Variants in ARHGEF19 observed in about 807,000 individuals in gnomAD.
ARHGEF19 encodes Rho guanine nucleotide exchange factor (GEF) 19.
ARHGEF19 carries 92 observed loss-of-function variants against 87.6 expected under a neutral mutation model. The observed-to-expected ratio is 1.05, with a 90% CI of 0.89 to 1.25. The LOEUF (loss-of-function observed/expected upper bound fraction) is 1.25, where lower values mean the gene tolerates loss of function less well. Among genes scored for constraint, ARHGEF19 ranks in the 50% most tolerant of loss-of-function variants. The pLI, the probability that ARHGEF19 is intolerant of heterozygous loss-of-function variation, is 0.00. For missense variants in ARHGEF19, 1,054 were observed against 1,051.8 expected (o/e 1.00, Z -0.03); for synonymous variants, 438 against 446.2 (o/e 0.98, Z 0.23).
At chr1:16,202,284 G>C (rs1315749883) in intron 13 of ARHGEF19, 132 bp downstream of exon 13, 1 of 1,326,854 alleles carries the variant, frequency 7.5e-7, no homozygotes, top group Non-Finnish European at 1.0e-6. Flanking sequence ...GGGAAGAGTT[G>C]AGCACTTGGG....
At position 16,208,096 on chromosome 1, in the gene ARHGEF19, G is replaced by C. The variant is rs2081162774; in HGVS notation, c.542C>G (p.Ser181Cys). The C allele has an allele frequency of 6.2e-7, 1 of 1,614,084 alleles. No individual in the cohort carries two copies. Among genetic ancestry groups the C allele is most frequent in the Non-Finnish European group, 8.5e-7 (1 of 1,180,038 alleles). The part of the protein sequence containing the change: ...LSTEEPRVEL[S>C]GSTRVSLEGP... Reference sequence around the variant, plus strand: ...TTCGAGGCTCACTCGGGTGGACCCAGACAACTCCACCCTGGGCTCCTCTGT... The same window carrying C: ...TTCGAGGCTCACTCGGGTGGACCCACACAACTCCACCCTGGGCTCCTCTGT... The change falls in exon 3 of 16, where the codon TCT becomes TGT. Residue 181 changes from serine (S) to cysteine (C), a missense_variant. By Grantham distance (112) the Ser-to-Cys change is moderately radical (BLOSUM62 -1). Coordinates refer to ENST00000270747, the MANE Select transcript of ARHGEF19 (RefSeq NM_153213.5).
chr1:16,204,932 A>T lies in ARHGEF19; in HGVS notation c.1747-13T>A. ...TCAGCGGGAAAATCTAGAGGGATGGAGAAGGATGGGTCAGGCCCAGGGGCA... is the reference window on the plus strand; with the variant it reads ...TCAGCGGGAAAATCTAGAGGGATGGTGAAGGATGGGTCAGGCCCAGGGGCA... On this transcript the variant is annotated splice_polypyrimidine_tract_variant and intron_variant, in intron 11 of 15. Transcript: ENST00000270747. The T allele has an allele frequency of 6.3e-7, 1 of 1,594,708 alleles. No homozygotes were observed. The highest frequency in any genetic ancestry group is 2.3e-5 in the East Asian group (1 of 44,192).
chr1:16,212,145 G>A (rs573292947), intron 1 of ARHGEF19, among the ~76,000 whole-genome samples: 60 of 152,350 alleles, frequency 3.9e-4, no homozygotes, highest in African/African-American at 1.4e-3. Flanking sequence ...GCTAATTACA[G>A]AAGACGATGG....
intron 14 of ARHGEF19, among the ~76,000 whole-genome samples, chr1:16,199,565 T>C (rs1324238347): frequency 1.3e-5 from 2 of 151,990 alleles, no homozygotes; most frequent in Non-Finnish European, 2.9e-5. Context: ...GCTTGTGACC[T>C]TCAGACCCCA....
In ARHGEF19 at chr1:16,207,050, G is replaced by T. The variant is rs773158873; in HGVS notation, c.1035C>A (p.Arg345=). ...LSPSSSFRAQ[R]SARGSTFSLW... ...GCGAGAAGGTGGAGCCTCGCGCCGA[G>T]CGCTGCGCCCGGAAGGAGCTGCTGG... is the stretch of plus-strand genomic sequence containing the variant. The change falls in exon 6 of 16, where the codon CGC becomes CGA. Residue 345 remains arginine (R), a synonymous_variant. Transcript: ENST00000270747. This position sits in a 1 kb window ranked among gnomAD's most constrained non-coding sequence, Gnocchi z 4.0. The T allele has an allele frequency of 1.5e-5, 22 of 1,508,666 alleles. No homozygotes were observed. Among genetic ancestry groups the T allele is most frequent in the Non-Finnish European group, 1.8e-5 (20 of 1,131,386 alleles). The allele number at this position is 1,508,666 out of a possible 1,614,324, so 93.5% of individuals were successfully genotyped here.
At chr1:16,199,302 G>T in intron 14 of ARHGEF19, 48 bp from the exon 15 acceptor site, 2 of 1,569,544 alleles carry the variant, frequency 1.3e-6, no homozygotes, top group Middle Eastern at 1.7e-4. Flanking sequence ...AGGATGGCAG[G>T]GGGAGGAGCA....
At position 16,205,212 on chromosome 1, in the gene ARHGEF19, C is replaced by T. The variant is rs1350554834; in HGVS notation, c.1657-36G>A. On this transcript the variant is annotated intron_variant, in intron 10 of 15. Transcript: ENST00000270747. The surrounding 1 kb of genome is among the most constrained non-coding windows in gnomAD (Gnocchi z 5.8). ...CGTGGGGAGGTCACCTGCAGCCCCT[C>T]AGCTCCGGCTCCCAGAGCCCAGCCT... is the stretch of plus-strand genomic sequence containing the variant. 1.9e-6 allele frequency: 3 copies of T among 1,591,362 alleles called. No homozygotes were observed. The Admixed American group carries it at 5.4e-5, about 29-fold the overall frequency.
chr1:16,208,946 G>A lies in ARHGEF19; in HGVS notation c.109C>T (p.Leu37=). The change falls in exon 2 of 16, where the codon CTG becomes TTG. Residue 37 remains leucine (L), a synonymous_variant. Transcript: ENST00000270747. ...GGGCTCGGGGGCTTCAGGGCGGGCA[G>A]CTCTGCAAAGGACAGACTCTCCTGC... ...CQQESLSFAE[L]PALKPPSPVC... The A allele has an allele frequency of 6.3e-7, 1 of 1,576,960 alleles. No homozygotes were observed. Among genetic ancestry groups the A allele is most frequent in the Non-Finnish European group, 8.6e-7 (1 of 1,163,064 alleles).
At position 16,206,061 on chromosome 1, in the gene ARHGEF19, G is replaced by A; in HGVS notation, c.1321C>T (p.Arg441Trp). 1 of 1,582,754 alleles carries A rather than the reference G, an allele frequency of 6.3e-7. No homozygotes were observed. Among genetic ancestry groups the A allele is most frequent in the South Asian group, 1.1e-5 (1 of 87,174 alleles). The change falls in exon 8 of 16, where the codon CGG becomes TGG. Residue 441 changes from arginine (R) to tryptophan (W), a missense_variant. By Grantham distance (101) the Arg-to-Trp change is moderately radical (BLOSUM62 -3). Transcript: ENST00000270747. The surrounding 1 kb of genome is among the most constrained non-coding windows in gnomAD (Gnocchi z 4.6). ...AAGCGCAGCACATCTGCCTCCAGCC[G>A]CTGCTCCAGGTCCTGCAGGAACCTG... Reference protein sequence around the residue: ...SERFLQDLEQRLEADVLRFSV... With the variant: ...SERFLQDLEQWLEADVLRFSV...
intron 1 of ARHGEF19, among the ~76,000 whole-genome samples, chr1:16,210,265 G>A (rs943974869): frequency 6.6e-5 from 10 of 152,102 alleles, no homozygotes; most frequent in African/African-American, 2.4e-4. Context: ...ACCCTGTGGT[G>A]AGGCAAGCAG....
chr1:16,210,109 C>T (rs1168727214), intron 1 of ARHGEF19, among the ~76,000 whole-genome samples: 1 of 152,278 alleles, frequency 6.6e-6, no homozygotes, highest in Non-Finnish European at 1.5e-5. Flanking sequence ...CCCTGTGGCC[C>T]TCTGCCAGCC....
Position 16,207,794 on chromosome 1 carries a change from C to T in ARHGEF19, c.695-17G>A, listed in dbSNP as rs1355931183. Reference sequence around the variant, plus strand: ...ATGCTTTCCCTGGAGAGGGCGAGAACTGAGGGTGGGGGGTCCAGAGAGTGG... The same window carrying T: ...ATGCTTTCCCTGGAGAGGGCGAGAATTGAGGGTGGGGGGTCCAGAGAGTGG... On this transcript the variant is annotated splice_polypyrimidine_tract_variant and intron_variant, in intron 3 of 15. Coordinates refer to ENST00000270747, the MANE Select transcript of ARHGEF19 (RefSeq NM_153213.5). The surrounding 1 kb of genome is among the most constrained non-coding windows in gnomAD (Gnocchi z 4.0). The T allele has an allele frequency of 6.2e-7, 1 of 1,612,786 alleles. No individual in the cohort carries two copies. The highest frequency in any genetic ancestry group is 1.1e-5 in the South Asian group (1 of 91,030).
Position 16,205,980 on chromosome 1 carries a change from G to A in ARHGEF19, c.1402C>T (p.Pro468Ser), listed in dbSNP as rs1427918888. 1 of 1,611,358 alleles carries A rather than the reference G, an allele frequency of 6.2e-7. No homozygotes were observed. The highest frequency in any genetic ancestry group is 1.3e-5 in the African/African-American group (1 of 75,038). Residue 468 changes from proline (P) to serine (S), a missense_variant, in exon 8 of 16, where the codon CCC becomes TCC. Transcript: ENST00000270747. This position sits in a 1 kb window ranked among gnomAD's most constrained non-coding sequence, Gnocchi z 5.8. ...TGGTAGGCCTGGTTGGTGACATAGG[G>A]CAGGTAGACTCTGCGGAAGGCCGGG... ...HCPAFRRVYL[P>S]YVTNQAYQER...
chr1:16,209,380 A>G (rs2081177189), intron 1 of ARHGEF19, among the ~76,000 whole-genome samples: 1 of 152,194 alleles, frequency 6.6e-6, no homozygotes, highest in Non-Finnish European at 1.5e-5. Flanking sequence ...GTTATTTGGT[A>G]AATGGTGGAG....
In ARHGEF19 at chr1:16,204,663, C is replaced by T. The variant is rs749247266; in HGVS notation, c.1907+96G>A. ...GCATACCCTGGCACAGGCAGGGACT[C>T]CCAGGCCCAGGGATGGACTGGTCAT... is the stretch of plus-strand genomic sequence containing the variant. On this transcript the variant is annotated intron_variant, in intron 12 of 15. Transcript: ENST00000270747. 123 of 1,414,014 alleles carry T rather than the reference C, an allele frequency of 8.7e-5. 1 individual carries two copies. Among genetic ancestry groups the T allele is most frequent in the Middle Eastern group, 6.7e-4 (3 of 4,462 alleles). 87.6% of individuals were successfully genotyped at this position (1,414,014 alleles called of 1,614,324 possible).
chr1:16,207,102 G>A lies in ARHGEF19; in HGVS notation c.983C>T (p.Pro328Leu). The A allele has an allele frequency of 6.6e-7, 1 of 1,511,518 alleles. No homozygotes were observed. Among genetic ancestry groups the A allele is most frequent in the Non-Finnish European group, 8.8e-7 (1 of 1,133,830 alleles). The allele number at this position is 1,511,518 out of a possible 1,614,324, so 93.6% of individuals were successfully genotyped here. ...GGAGAGGTTGGCCCGCGGCGGCCCC[G>A]GCCCCTCCTCTGCGCCCTCGGCCTC... ...GDEAEGAEEG[P>L]GPPRANLSPS... The change falls in exon 6 of 16, where the codon CCG (proline) becomes CTG (leucine). Residue 328 changes from proline to leucine, a missense_variant. Pro to Leu is a moderately conservative substitution (Grantham distance 98, BLOSUM62 -3). Coordinates refer to ENST00000270747, the MANE Select transcript of ARHGEF19 (RefSeq NM_153213.5). The surrounding 1 kb of genome is among the most constrained non-coding windows in gnomAD (Gnocchi z 4.0).
rs146123988 is a variant in ARHGEF19, at chr1:16,201,782, C to T, written c.2146G>A (p.Asp716Asn). 5 of 1,613,444 alleles carry T rather than the reference C, an allele frequency of 3.1e-6. No individual in the cohort carries two copies. The African/African-American group carries it at 6.7e-5, about 22-fold the overall frequency. ...EDKEVISEGE[D>N]CPQVQCVRTY... ...GTAAGCAGCAGGGATGAGCTACTAC[C>T]TTCCCCCTCACTGATGACCTCCTTG... is the stretch of plus-strand genomic sequence containing the variant. The change falls in exon 14 of 16, where the codon GAT becomes AAT. Residue 716 changes from aspartate (D) to asparagine (N), a missense_variant and splice_region_variant. Coordinates refer to ENST00000270747, the MANE Select transcript of ARHGEF19 (RefSeq NM_153213.5).
chr1:16,206,581 GC>G lies in ARHGEF19; in HGVS notation c.1138-242del. On this transcript the variant is annotated intron_variant, in intron 6 of 15. Coordinates refer to ENST00000270747, the MANE Select transcript of ARHGEF19 (RefSeq NM_153213.5). The surrounding 1 kb of genome is among the most constrained non-coding windows in gnomAD (Gnocchi z 4.6). Reference sequence around the variant, plus strand: ...CCCGCCCCGACGCGTTCTTCCCAGAGCCCCGCCCACCCCCCAGGTCCCGCCC... The same window carrying G: ...CCCGCCCCGACGCGTTCTTCCCAGAGCCCGCCCACCCCCCAGGTCCCGCCC... The G allele has an allele frequency of 2.0e-6, 1 of 504,208 alleles. No homozygotes were observed. The highest frequency in any genetic ancestry group is 2.2e-5 in the South Asian group (1 of 44,516). The allele number at this position is 504,208 out of a possible 1,614,324, so 31.2% of individuals were successfully genotyped here. A position where few individuals can be genotyped will look rare whatever the true frequency, so the allele number is the denominator to read the frequency against.
chr1:16,207,681 T>A lies in ARHGEF19; in HGVS notation c.791A>T (p.Glu264Val). The A allele has an allele frequency of 6.2e-7, 1 of 1,614,056 alleles. No individual in the cohort carries two copies. Among genetic ancestry groups the A allele is most frequent in the Middle Eastern group, 1.6e-4 (1 of 6,062 alleles). ...CCCAAACGGGAGGTGGTACCTGGGC[T>A]CGGACCAATCGCCCTCTCGTGAGTC... ...PGDSREGDWS[E>V]PRLDTQEEPP... The change falls in exon 4 of 16, where the codon GAG becomes GTG. Residue 264 changes from glutamate to valine, a missense_variant. Glu to Val is a moderately radical substitution (Grantham distance 121). Coordinates refer to ENST00000270747, the MANE Select transcript of ARHGEF19 (RefSeq NM_153213.5). The surrounding 1 kb of genome is among the most constrained non-coding windows in gnomAD (Gnocchi z 4.0).
Sources: gnomAD v4.1 joint callset for allele counts (sites outside exome capture counted in the v4.1 genomes callset) on GRCh38, gnomAD v4.1.1 for gene constraint, Gnocchi (gnomAD v3.1) non-coding constraint, MANE v1.5 for transcripts, NCBI Gene and HGNC (gene_info 2026-07-23, HGNC 2026-07-21) for gene names.